Variants in GALNT17 observed in about 807,000 individuals in gnomAD.
GALNT17 encodes the protein UDP-GalNAc:polypeptide N-acetylgalactosaminyltransferase-like 3.
GALNT17 carries 29 observed loss-of-function variants against 63.7 expected under a neutral mutation model. The observed-to-expected ratio is 0.46, with a 90% confidence interval of 0.34 to 0.62. The LOEUF is 0.62. Among genes scored for constraint, GALNT17 ranks in the 20% least tolerant of loss-of-function variants. GALNT17 has a pLI of 0.01. For synonymous variants in GALNT17, 305 were observed against 318.3 expected (o/e 0.96, Z 0.45); for missense variants, 603 against 799.6 (o/e 0.75, Z 2.97).
intron 6 of GALNT17, among the ~76,000 whole-genome samples, chr7:71,627,846 A>T (rs1790396508): frequency 6.6e-6 from 1 of 152,164 alleles, no homozygotes; most frequent in Non-Finnish European, 1.5e-5. Flanking sequence ...GGCCAGAGCC[A>T]GCTCTCCTAA....
intron 5 of GALNT17, among the ~76,000 whole-genome samples, chr7:71,526,292 C>T (rs577852910): frequency 6.6e-6 from 1 of 152,272 alleles, no homozygotes; most frequent in South Asian, 2.1e-4. Context: ...ATTTCCTTTT[C>T]TCTGTCAAAA....
At chr7:71,437,517 G>A (rs555059154) in intron 5 of GALNT17, among the ~76,000 whole-genome samples, 2 of 152,280 alleles carry the variant, frequency 1.3e-5, no homozygotes, top group South Asian at 2.1e-4. Context: ...AAGGTGACAC[G>A]GGATATCACT....
chr7:71,624,776 A>T (rs1790346761), intron 6 of GALNT17, among the ~76,000 whole-genome samples: 1 of 152,244 alleles, frequency 6.6e-6, no homozygotes, highest in South Asian at 2.1e-4. Flanking sequence ...ATTTTGTGAG[A>T]AATAACTGTA....
intron 1 of GALNT17, among the ~76,000 whole-genome samples, chr7:71,255,812 A>G (rs1790278566): frequency 6.6e-6 from 1 of 152,136 alleles, no homozygotes; most frequent in African/African-American, 2.4e-5. Context: ...GAGACTAGAT[A>G]CATCTGCTGT....
At chr7:71,437,644 C>T (rs1786989483) in intron 5 of GALNT17, among the ~76,000 whole-genome samples, 1 of 152,176 alleles carries the variant, frequency 6.6e-6, no homozygotes, top group East Asian at 1.9e-4. Context: ...CTTCAAATGT[C>T]AGCAGCATGA....
Position 71,665,461 on chromosome 7 carries a change from C to G in GALNT17, c.1131C>G (p.Ala377=), listed in dbSNP as rs1324234750. 2.5e-6 allele frequency: 4 copies of G among 1,613,108 alleles called. No homozygotes were observed. The East Asian group carries it at 8.9e-5, about 36-fold the overall frequency. The stretch of plus-strand genomic sequence containing the variant: ...AGGTCCTTCCTTGCTCACGGGTGGC[C>G]CACATTGAGCGGAAGAAGAAGCCAT... The part of the protein sequence containing the change: ...SMEVLPCSRV[A]HIERKKKPYN... The change falls in exon 7 of 11, where the codon GCC becomes GCG. Residue 377 remains alanine, a synonymous_variant. Transcript: ENST00000333538.
At chr7:71,391,081 T>C (rs1220073697) in intron 3 of GALNT17, among the ~76,000 whole-genome samples, 2 of 152,178 alleles carry the variant, frequency 1.3e-5, no homozygotes, top group African/African-American at 4.8e-5. Flanking sequence ...GTGGGATGTT[T>C]CCCAGGGCCT....
chr7:71,697,786 T>A (rs1791566312), intron 9 of GALNT17, among the ~76,000 whole-genome samples: 1 of 152,192 alleles, frequency 6.6e-6, no homozygotes, highest in Non-Finnish European at 1.5e-5. Context: ...TTAGATAAAC[T>A]ATAACAAATA....
At chr7:71,315,283 G>A (rs138169658) in intron 1 of GALNT17, among the ~76,000 whole-genome samples, 17 of 152,284 alleles carry the variant, frequency 1.1e-4, no homozygotes, top group East Asian at 5.8e-4. Flanking sequence ...GCTGATGGAC[G>A]TGTGGGTTGT....
At chr7:71,318,283 T>C (rs995974384) in intron 1 of GALNT17, among the ~76,000 whole-genome samples, 1 of 152,204 alleles carries the variant, frequency 6.6e-6, no homozygotes, top group Non-Finnish European at 1.5e-5. Context: ...ACTTAGATAA[T>C]GCAGGCTTTG....
chr7:71,247,490 C>T (rs2116481937), intron 1 of GALNT17, among the ~76,000 whole-genome samples: 1 of 152,130 alleles, frequency 6.6e-6, no homozygotes, highest in South Asian at 2.1e-4. Flanking sequence ...GAGTCTTTTT[C>T]TGTCGCTCCC....
intron 6 of GALNT17, among the ~76,000 whole-genome samples, chr7:71,624,201 A>G (rs779302425): frequency 5.9e-5 from 9 of 152,218 alleles, no homozygotes; most frequent in Non-Finnish European, 1.3e-4. Flanking sequence ...CAGCACTTCA[A>G]AGATGAATGG....
At chr7:71,257,760 T>A (rs973638657) in intron 1 of GALNT17, among the ~76,000 whole-genome samples, 2 of 152,160 alleles carry the variant, frequency 1.3e-5, no homozygotes, top group African/African-American at 4.8e-5. Context: ...GCCAGAAGCC[T>A]AAGTTTGTCT....
chr7:71,260,671 C>T (rs1790369716), intron 1 of GALNT17, among the ~76,000 whole-genome samples: 1 of 151,842 alleles, frequency 6.6e-6, no homozygotes, highest in South Asian at 2.1e-4. Flanking sequence ...GGTATGATCC[C>T]AGCTCTCTGT....
chr7:71,599,725 CA>C (rs1789938509), intron 6 of GALNT17, among the ~76,000 whole-genome samples: 2 of 152,044 alleles, frequency 1.3e-5, no homozygotes, highest in South Asian at 2.1e-4. Flanking sequence ...ATACCCCCCC[CA>C]CCCCACCTTA....
intron 6 of GALNT17, among the ~76,000 whole-genome samples, chr7:71,577,508 G>C (rs1789558317): frequency 6.6e-6 from 1 of 151,758 alleles, no homozygotes; most frequent in Non-Finnish European, 1.5e-5. Flanking sequence ...GGATGCTCAA[G>C]TGAGATAACC....
At chr7:71,439,505 T>C (rs1315342782) in intron 5 of GALNT17, among the ~76,000 whole-genome samples, 2 of 152,150 alleles carry the variant, frequency 1.3e-5, no homozygotes, top group African/African-American at 4.8e-5. Flanking sequence ...ACGTAAACTT[T>C]CTCTGCGATG....
chr7:71,421,868 T>G (rs1786672262), intron 5 of GALNT17, among the ~76,000 whole-genome samples: 2 of 151,352 alleles, frequency 1.3e-5, no homozygotes, highest in African/African-American at 4.9e-5. Flanking sequence ...GAGAATCACT[T>G]GAACCTGGGA....
At chr7:71,641,869 A>G (rs1411304689) in intron 6 of GALNT17, among the ~76,000 whole-genome samples, 1 of 152,088 alleles carries the variant, frequency 6.6e-6, no homozygotes. Flanking sequence ...GCTGATGATG[A>G]TGATGTTCTT....
Sources: gnomAD v4.1 joint callset for allele counts (sites outside exome capture counted in the v4.1 genomes callset) on GRCh38, gnomAD v4.1.1 for gene constraint, MANE v1.5 for transcripts, NCBI Gene and HGNC (gene_info 2026-07-23, HGNC 2026-07-21) for gene names.